BACH2: variants seen among roughly 807,000 people sequenced by gnomAD.
BACH2 encodes BACH transcriptional regulator 2.
Under a neutral mutation model 61.8 loss-of-function variants are expected in BACH2, and 5 were observed. The ratio of observed to expected loss-of-function variants is 0.08; its 90% CI spans 0.04 to 0.17. BACH2 has a LOEUF of 0.17. Ranked by LOEUF, BACH2 falls within the 10% of genes least tolerant of loss-of-function variation. BACH2 has a pLI of 1.00. For synonymous variants in BACH2, 446 were observed against 440.1 expected, an observed-to-expected ratio of 1.01 and a Z score of -0.17; for missense variants, 824 against 1,091.1, an observed-to-expected ratio of 0.76 and a Z score of 3.45.
Position 89,936,182 on chromosome 6 carries a change from T to C in BACH2, c.2043+1962A>G, listed in dbSNP as rs1460548299. ...GTTGAGGGCTGGGGAGACAGACAAATGTATAGATAACTCAAGAGTAAGTGA... is the reference window on the plus strand; with the variant it reads ...GTTGAGGGCTGGGGAGACAGACAAACGTATAGATAACTCAAGAGTAAGTGA... On this transcript the variant is annotated intron_variant, in intron 8 of 8. Transcript: ENST00000257749. 3.9e-5 allele frequency among the ~76,000 whole-genome samples: 6 copies of C among 152,086 alleles called. 1 individual carries two copies. The highest frequency in any genetic ancestry group is 4.2e-4 in the South Asian group (2 of 4,814).
chr6:90,125,953 T>C (rs183221234), intron 4 of BACH2, among the ~76,000 whole-genome samples: 333 of 152,306 alleles, frequency 2.2e-3, no homozygotes, highest in Non-Finnish European at 3.6e-3. Flanking sequence ...TTGCTGACCA[T>C]TCTCTGCATA....
intron 4 of BACH2, among the ~76,000 whole-genome samples, chr6:90,128,507 G>T (rs956467040): frequency 3.3e-5 from 5 of 152,154 alleles, no homozygotes; most frequent in African/African-American, 1.2e-4. Flanking sequence ...CTTGAACCTG[G>T]GGGGCGGAGG....
At chr6:90,005,377 T>C (rs769771259) in intron 6 of BACH2, among the ~76,000 whole-genome samples, 2 of 152,170 alleles carry the variant, frequency 1.3e-5, no homozygotes, top group African/African-American at 2.4e-5. Context: ...AATTTGGCGA[T>C]AGGATTATGA....
intron 1 of BACH2, among the ~76,000 whole-genome samples, chr6:90,278,193 TCA>T (rs1163161401): frequency 6.6e-6 from 1 of 152,242 alleles, no homozygotes; most frequent in Non-Finnish European, 1.5e-5. Flanking sequence ...ATGATTCTAC[TCA>T]CAGCTCACAG....
At chr6:90,129,395 A>G (rs1333023316) in intron 4 of BACH2, among the ~76,000 whole-genome samples, 1 of 152,024 alleles carries the variant, frequency 6.6e-6, no homozygotes, top group Admixed American at 6.6e-5. Context: ...ACAGGTGTAC[A>G]CGTGCCATGG....
intron 5 of BACH2, among the ~76,000 whole-genome samples, chr6:90,044,759 G>A (rs1779703855): frequency 6.6e-6 from 1 of 152,198 alleles, no homozygotes; most frequent in Non-Finnish European, 1.5e-5. Context: ...AACGGAAAGA[G>A]TTAACGATGG....
In BACH2 at chr6:89,932,525, G is replaced by A. The variant is rs1453301438; in HGVS notation, c.2409C>T (p.Thr803=). 6 of 1,614,102 alleles carry A rather than the reference G, an allele frequency of 3.7e-6. No homozygotes were observed. The highest frequency in any genetic ancestry group is 5.1e-6 in the Non-Finnish European group (6 of 1,180,020). ...GRRLEGTDPG[T]FSERGPPLEP... ...CAAGAGGAGGTCCTCTCTCTGAGAA[G>A]GTTCCCGGGTCAGTGCCTTCTAGTC... Residue 803 remains threonine, a synonymous_variant, in exon 9 of 9, where the codon ACC becomes ACT. Transcript: ENST00000257749.
chr6:90,100,400 G>A (rs977689450), intron 4 of BACH2, among the ~76,000 whole-genome samples: 1 of 152,094 alleles, frequency 6.6e-6, no homozygotes, highest in Non-Finnish European at 1.5e-5. Context: ...TTACAAAGGT[G>A]TTTTTTAGAT....
At chr6:90,233,906 G>A (rs560593393) in intron 3 of BACH2, among the ~76,000 whole-genome samples, 1 of 152,242 alleles carries the variant, frequency 6.6e-6, no homozygotes, top group African/African-American at 2.4e-5. Flanking sequence ...CACTAGCCTT[G>A]GGATAGAATT....
At chr6:90,082,200 A>T (rs1453871581) in intron 5 of BACH2, among the ~76,000 whole-genome samples, 1 of 152,190 alleles carries the variant, frequency 6.6e-6, no homozygotes, top group Non-Finnish European at 1.5e-5. Flanking sequence ...TAGTACAGTG[A>T]TTACTAATTT....
At position 89,964,208 on chromosome 6, in the gene BACH2, A is replaced by AT. The variant is rs1491177519; in HGVS notation, c.244-12347_244-12346insA. On this transcript the variant is annotated intron_variant, in intron 6 of 8. Transcript: ENST00000257749. ...GTACCCTAAAACTTAAAGTATAATT[A>AT]AAAAAAAAAAAAAAAAGAAAAGTAG... Among the ~76,000 whole-genome samples the AT allele has an allele frequency of 6.9e-5, 4 of 57,674 alleles. No homozygotes were observed. The East Asian group carries it at 4.6e-3, about 67-fold the overall frequency. 37.8% of individuals were successfully genotyped at this position (57,674 alleles called of 152,430 possible). A position where few individuals can be genotyped will look rare whatever the true frequency, so the allele number is the denominator to read the frequency against.
At chr6:90,203,786 G>A (rs1181460586) in intron 4 of BACH2, among the ~76,000 whole-genome samples, 1 of 152,148 alleles carries the variant, frequency 6.6e-6, no homozygotes, top group Non-Finnish European at 1.5e-5. Context: ...GCGCAGGAAT[G>A]CCCTCTGCTT....
intron 6 of BACH2, among the ~76,000 whole-genome samples, chr6:89,980,187 C>T (rs904361912): frequency 6.6e-6 from 1 of 151,590 alleles, no homozygotes; most frequent in Non-Finnish European, 1.5e-5. Flanking sequence ...CCAGCTACTC[C>T]GGAGGCTGAA....
intron 6 of BACH2, among the ~76,000 whole-genome samples, chr6:90,000,601 C>G (rs1200120680): frequency 1.3e-5 from 2 of 152,200 alleles, no homozygotes; most frequent in African/African-American, 4.8e-5. Flanking sequence ...AACAGCGGCC[C>G]TGCAAGTCAA....
At chr6:90,094,656 GTATTAA>G (rs1420087385) in intron 4 of BACH2, among the ~76,000 whole-genome samples, 1 of 152,158 alleles carries the variant, frequency 6.6e-6, no homozygotes, top group Non-Finnish European at 1.5e-5. Flanking sequence ...TCTCTCCATT[GTATTAA>G]TATTATCACT....
chr6:90,037,036 G>GT (rs1290794439), intron 5 of BACH2, among the ~76,000 whole-genome samples: 1 of 152,090 alleles, frequency 6.6e-6, no homozygotes, highest in Non-Finnish European at 1.5e-5. Context: ...CTTAAAGCCA[G>GT]TAACAACAAA....
chr6:90,051,659 T>G (rs1780053126), intron 5 of BACH2, among the ~76,000 whole-genome samples: 1 of 152,232 alleles, frequency 6.6e-6, no homozygotes, highest in Non-Finnish European at 1.5e-5. Context: ...TCAATTTAAT[T>G]AATTCTGTTC....
At position 90,018,183 on chromosome 6, in the gene BACH2, T is replaced by G. The variant is rs150521557; in HGVS notation, c.-12-9327A>C. ...GTTTTGGGTGGCTGTCTCTCCATCC[T>G]TGGGTAGTTTTCTTACCTGCATCTG... On this transcript the variant is annotated intron_variant, in intron 5 of 8. Transcript: ENST00000257749. Among the ~76,000 whole-genome samples the G allele has an allele frequency of 4.6e-5, 7 of 152,326 alleles. No homozygotes were observed. The East Asian group carries it at 1.4e-3, about 29-fold the overall frequency.
At chr6:90,244,568 T>C (rs577003033) in intron 3 of BACH2, among the ~76,000 whole-genome samples, 1 of 152,274 alleles carries the variant, frequency 6.6e-6, no homozygotes, top group East Asian at 1.9e-4. Flanking sequence ...TCCATTTGGG[T>C]ATATTGCTCA....
Sources: allele counts gnomAD v4.1 joint callset (sites outside exome capture counted in the v4.1 genomes callset), GRCh38; gene constraint gnomAD v4.1.1; transcripts MANE v1.5; gene names NCBI Gene and HGNC (gene_info 2026-07-23, HGNC 2026-07-21).